Variants in KDM3A observed in about 807,000 individuals in gnomAD.
KDM3A encodes lysine demethylase 3A.
Under a neutral mutation model 158.0 loss-of-function variants are expected in KDM3A, and 60 were observed. That is an observed-to-expected ratio of 0.38 (90% CI 0.31 to 0.47). KDM3A has a LOEUF of 0.47. KDM3A is among the 20% of genes least tolerant of loss of function. KDM3A has a pLI of 0.99. For synonymous variants in KDM3A, 608 were observed against 549.3 expected, an observed-to-expected ratio of 1.11 and a Z score of -1.49; for missense variants, 1,319 against 1,574.3, an observed-to-expected ratio of 0.84 and a Z score of 2.74.
At position 86,480,361 on chromosome 2, in the gene KDM3A, G is replaced by A. The variant is rs1292369130; in HGVS notation, c.2511G>A (p.Lys837=). ...GCGGGAATGTCAACAAGGAAAACAA[G>A]GGTGAGTGTTTCCTGCTTTTGTGTT... The part of the protein sequence containing the change: ...LTSGNVNKEN[K]EKQPTMPILK... Residue 837 remains lysine (K), a splice_region_variant and synonymous_variant, in exon 16 of 26, where the codon AAG becomes AAA. Transcript: ENST00000312912. 1.9e-6 allele frequency: 3 copies of A among 1,608,892 alleles called. No homozygotes were observed. Among genetic ancestry groups the A allele is most frequent in the Admixed American group, 3.4e-5 (2 of 59,574 alleles).
Position 86,449,875 on chromosome 2 carries a change from G to T in KDM3A, c.255G>T (p.Arg85Ser). The T allele has an allele frequency of 6.2e-7, 1 of 1,613,850 alleles. No individual in the cohort carries two copies. Among genetic ancestry groups the T allele is most frequent in the Middle Eastern group, 1.7e-4 (1 of 6,056 alleles). Residue 85 changes from arginine (R) to serine (S), a missense_variant, in exon 3 of 26, where the codon AGG becomes AGT. This residue lies in a region of KDM3A where 652 missense variants were observed against 627.2 expected (regional missense o/e 1.04). Transcript: ENST00000312912. The part of the protein sequence containing the change: ...RRWIEVYSLL[R>S]RAFLVEHNLV... ...GGATAGAAGTCTACAGCCTTCTAAG[G>T]AGAGCATTTTTAGTAGAACATAATT...
chr2:86,489,727 G>T, intron 23 of KDM3A, 68 bp downstream of exon 23: 1 of 1,506,466 alleles, frequency 6.6e-7, no homozygotes, highest in South Asian at 1.3e-5. Flanking sequence ...TACATGTGGT[G>T]AACTGACTGG....
chr2:86,438,859 G>A (rs1351048397), upstream of KDM3A, among the ~76,000 whole-genome samples: 1 of 151,906 alleles, frequency 6.6e-6, no homozygotes, highest in Non-Finnish European at 1.5e-5. Context: ...CATTCATAAT[G>A]TATTTTGGTA....
intron 11 of KDM3A, among the ~76,000 whole-genome samples, chr2:86,471,380 T>C (rs1430941551): frequency 6.6e-6 from 1 of 151,802 alleles, no homozygotes. Flanking sequence ...TATGTATATA[T>C]ATGTGTGTAT....
upstream of KDM3A, among the ~76,000 whole-genome samples, chr2:86,439,803 T>C (rs1279449649): frequency 1.3e-5 from 2 of 152,170 alleles, no homozygotes; most frequent in East Asian, 1.9e-4. Flanking sequence ...TTATCTTTAA[T>C]ATAAAATCCT....
At chr2:86,437,057 TG>T (rs1317085914), upstream of KDM3A, among the ~76,000 whole-genome samples, 1 of 152,178 alleles carries the variant, frequency 6.6e-6, no homozygotes, top group South Asian at 2.1e-4. Context: ...AATATTTTAT[TG>T]GATTTTAAAA....
chr2:86,449,097 G>A (rs558529354), intron 2 of KDM3A, among the ~76,000 whole-genome samples: 2 of 152,282 alleles, frequency 1.3e-5, no homozygotes, highest in African/African-American at 4.8e-5. Context: ...GTATTATGCA[G>A]GTCAGAAGCA....
intron 2 of KDM3A, among the ~76,000 whole-genome samples, chr2:86,446,693 G>A (rs1041802017): frequency 6.6e-6 from 1 of 152,318 alleles, no homozygotes; most frequent in African/African-American, 2.4e-5. Flanking sequence ...TTGGGCAACA[G>A]ATTGAGACTC....
chr2:86,441,861 G>C (rs1682727778), intron 1 of KDM3A, 157 bp from the exon 2 acceptor site: 1 of 313,842 alleles, frequency 3.2e-6, no homozygotes, highest in Middle Eastern at 9.5e-4. Context: ...GGAGGGCGGC[G>C]GGGGGCGGGA....
intron 12 of KDM3A, among the ~76,000 whole-genome samples, chr2:86,476,229 A>T (rs1673652729): frequency 6.6e-6 from 1 of 152,260 alleles, no homozygotes; most frequent in Non-Finnish European, 1.5e-5. Context: ...AGTGGTACAT[A>T]CATGACTGCA....
rs1673150809 is a variant in KDM3A at position 86,466,432 on chromosome 2, T to G, written c.1068T>G (p.Ala356=). The G allele has an allele frequency of 1.2e-6, 2 of 1,613,718 alleles. No individual in the cohort carries two copies. The highest frequency in any genetic ancestry group is 1.3e-5 in the African/African-American group (1 of 74,904). Residue 356 remains alanine, a synonymous_variant, in exon 10 of 26, where the codon GCT becomes GCG. Coordinates refer to ENST00000312912, the MANE Select transcript of KDM3A (RefSeq NM_018433.6). ...CCTGTCTAAATACAAAGTCTGAAGC[T>G]CTGAGAACAAAACCAGATGTCTGCA... ...ISSCLNTKSE[A]LRTKPDVCKA...
At chr2:86,451,276 G>A in intron 4 of KDM3A, 63 bp downstream of exon 4, 1 of 1,030,398 alleles carries the variant, frequency 9.7e-7, no homozygotes, top group Admixed American at 2.5e-5. Flanking sequence ...AACATGAGAA[G>A]TAAAGTACAG....
At chr2:86,461,112 G>A (rs1428740971) in intron 8 of KDM3A, among the ~76,000 whole-genome samples, 3 of 152,140 alleles carry the variant, frequency 2.0e-5, no homozygotes, top group Non-Finnish European at 2.9e-5. Context: ...GCACAGCCCT[G>A]TAAAGTATAC....
At chr2:86,468,839 A>G (rs1252388662) in intron 10 of KDM3A, among the ~76,000 whole-genome samples, 2 of 152,170 alleles carry the variant, frequency 1.3e-5, no homozygotes, top group Non-Finnish European at 2.9e-5. Context: ...CTTTGAATTC[A>G]GAGAATCACT....
chr2:86,484,587 C>G (rs1674094370), intron 19 of KDM3A: 1 of 254,460 alleles, frequency 3.9e-6, no homozygotes, highest in Admixed American at 5.0e-5. Context: ...CACCTACATG[C>G]AGTGGGCAAA....
At position 86,477,938 on chromosome 2, in the gene KDM3A, C is replaced by T; in HGVS notation, c.2001C>T (p.Thr667=). ...GVREMCDVCD[T]TIFNLHWVCP... is the part of the protein sequence containing the mutation. The stretch of plus-strand genomic sequence containing the variant: ...GAGAAATGTGTGATGTGTGCGACAC[C>T]ACCATCTTCAACCTGCACTGGGTGT... The change falls in exon 13 of 26, where the codon ACC becomes ACT. Residue 667 remains threonine, a synonymous_variant. Coordinates refer to ENST00000312912, the MANE Select transcript of KDM3A (RefSeq NM_018433.6). 4 of 1,614,092 alleles carry T rather than the reference C, an allele frequency of 2.5e-6. No homozygotes were observed. The highest frequency in any genetic ancestry group is 3.4e-6 in the Non-Finnish European group (4 of 1,180,014).
At chr2:86,480,928 AC>A (rs1673894734) in intron 16 of KDM3A, among the ~76,000 whole-genome samples, 1 of 152,220 alleles carries the variant, frequency 6.6e-6, no homozygotes, top group African/African-American at 2.4e-5. Flanking sequence ...AATCATCAAT[AC>A]TGCTCATTAT....
In KDM3A at chr2:86,464,165, C is replaced by T. The variant is rs1163462494; in HGVS notation, c.956C>T (p.Thr319Ile). Residue 319 changes from threonine to isoleucine, a missense_variant, in exon 9 of 26, where the codon ACT becomes ATT. This residue lies in a region of KDM3A where 652 missense variants were observed against 627.2 expected (regional missense o/e 1.04). Coordinates refer to ENST00000312912, the MANE Select transcript of KDM3A (RefSeq NM_018433.6). ...AGTAAGGACCCAAGACAGCAAAGTA[C>T]TCCCCAGGCTGCCAACTCTCCACCT... ...PPSKDPRQQS[T>I]PQAANSPPNL... 6.2e-7 allele frequency: 1 copy of T among 1,611,608 alleles called. No individual in the cohort carries two copies. The highest frequency in any genetic ancestry group is 2.2e-5 in the East Asian group (1 of 44,810).
intron 14 of KDM3A, 47 bp downstream of exon 14, chr2:86,478,312 C>A: frequency 7.5e-7 from 1 of 1,342,146 alleles, no homozygotes; most frequent in Non-Finnish European, 1.1e-6. Context: ...TCTTGGTTAA[C>A]TCATGGGAGC....
Sources: allele counts gnomAD v4.1 joint callset (sites outside exome capture counted in the v4.1 genomes callset), GRCh38; gene constraint gnomAD v4.1.1; regional missense constraint gnomAD v4.1.1; transcripts MANE v1.5; gene names NCBI Gene and HGNC (gene_info 2026-07-23, HGNC 2026-07-21).